DCC: variants seen among roughly 807,000 people sequenced by gnomAD.
The protein encoded by DCC is netrin receptor DCC.
A neutral mutation model predicts 172.5 loss-of-function variants in DCC; 58 were observed. That is an observed-to-expected ratio of 0.34 (90% CI 0.27 to 0.42). The LOEUF (loss-of-function observed/expected upper bound fraction) is 0.42. DCC is among the 10% of genes least tolerant of loss of function. The pLI is 1.00. For missense variants in DCC, 1,740 were observed against 1,791.0 expected (o/e 0.97, Z 0.51); for synonymous variants, 709 against 644.5 (o/e 1.10, Z -1.52).
At chr18:53,128,876 T>C (rs1047025114) in intron 7 of DCC, among the ~76,000 whole-genome samples, 4,148 of 40,432 alleles carry the variant, frequency 0.1, 99 homozygotes, top group African/African-American at 0.18. Context: ...CACACATATA[T>C]ATATATATAT....
intron 2 of DCC, among the ~76,000 whole-genome samples, chr18:52,807,685 C>T (rs1247915902): frequency 6.6e-6 from 1 of 152,124 alleles, no homozygotes; most frequent in Non-Finnish European, 1.5e-5. Flanking sequence ...CCATATTCTT[C>T]TCTTTTTGCC....
rs1030817066 is a variant in DCC at position 52,942,143 on chromosome 18, T to G, written c.985+16773T>G. ...GGATTTTGCCACTAATTATGTAGAC[T>G]GTTGGTTTGAGATAGGTATTTTTTA... On this transcript the variant is annotated intron_variant, in intron 5 of 28. Coordinates refer to ENST00000442544, the MANE Select transcript of DCC (RefSeq NM_005215.4). 2.0e-5 allele frequency among the ~76,000 whole-genome samples: 3 copies of G among 152,286 alleles called. No homozygotes were observed. The South Asian group carries it at 6.2e-4, about 32-fold the overall frequency.
At chr18:53,347,170 T>A (rs2057735478) in intron 15 of DCC, among the ~76,000 whole-genome samples, 1 of 152,130 alleles carries the variant, frequency 6.6e-6, no homozygotes, top group Non-Finnish European at 1.5e-5. Context: ...CACAAAGTGG[T>A]GAGGGTTTCT....
chr18:53,155,338 G>A (rs1035344395), intron 7 of DCC, among the ~76,000 whole-genome samples: 16 of 152,246 alleles, frequency 1.1e-4, no homozygotes, highest in African/African-American at 2.4e-4. Context: ...CACAAAAGCC[G>A]GTTTGAAGAT....
chr18:53,380,441 A>G (rs923528708), intron 15 of DCC, among the ~76,000 whole-genome samples: 1 of 152,176 alleles, frequency 6.6e-6, no homozygotes, highest in African/African-American at 2.4e-5. Context: ...TAACTAATAA[A>G]TGTACAATAT....
intron 2 of DCC, among the ~76,000 whole-genome samples, chr18:52,812,438 A>C (rs939651902): frequency 6.6e-6 from 1 of 152,206 alleles, no homozygotes; most frequent in Non-Finnish European, 1.5e-5. Context: ...TCACTTTATT[A>C]ATGTTTGTCT....
intron 2 of DCC, among the ~76,000 whole-genome samples, chr18:52,790,765 A>G (rs1240801672): frequency 2.0e-5 from 3 of 152,146 alleles, no homozygotes; most frequent in Non-Finnish European, 4.4e-5. Context: ...CATCTCCAAA[A>G]TTCTCTGCTG....
Position 52,425,035 on chromosome 18 carries a change from T to A in DCC, c.91+84157T>A, listed in dbSNP as rs115133079. 8.0e-3 allele frequency among the ~76,000 whole-genome samples: 1,218 copies of A among 152,242 alleles called. 9 individuals carry two copies. Among genetic ancestry groups the A allele is most frequent in the African/African-American group, 0.027 (1,138 of 41,550 alleles). ...GGCTTTAGGGTATACATTGCCTGAATAATGTACATTGTACCCATTAAGTAA... is the reference window on the plus strand; with the variant it reads ...GGCTTTAGGGTATACATTGCCTGAAAAATGTACATTGTACCCATTAAGTAA... On this transcript the variant is annotated intron_variant, in intron 1 of 28. Transcript: ENST00000442544.
chr18:52,763,169 C>T (rs1011077136), intron 2 of DCC, among the ~76,000 whole-genome samples: 3 of 152,102 alleles, frequency 2.0e-5, no homozygotes, highest in Non-Finnish European at 4.4e-5. Flanking sequence ...GCTTTATCAC[C>T]CTTGAAACAG....
At chr18:53,046,015 G>T (rs1332601455) in intron 5 of DCC, among the ~76,000 whole-genome samples, 2 of 151,664 alleles carry the variant, frequency 1.3e-5, no homozygotes, top group Admixed American at 1.3e-4. Flanking sequence ...CATGATTTTT[G>T]AAATCCTCAC....
intron 2 of DCC, among the ~76,000 whole-genome samples, chr18:52,832,269 A>C (rs1348731531): frequency 1.3e-5 from 2 of 152,100 alleles, no homozygotes; most frequent in Non-Finnish European, 2.9e-5. Context: ...ACAATGGCTT[A>C]GTGAGGCCTT....
chr18:52,569,168 T>C (rs575135357), intron 1 of DCC, among the ~76,000 whole-genome samples: 9 of 152,334 alleles, frequency 5.9e-5, no homozygotes, highest in African/African-American at 1.9e-4. Flanking sequence ...GCCATCAATC[T>C]GTACTGTGTG....
At chr18:52,539,345 G>C (rs1238113979) in intron 1 of DCC, among the ~76,000 whole-genome samples, 1 of 152,036 alleles carries the variant, frequency 6.6e-6, no homozygotes, top group Admixed American at 6.5e-5. Flanking sequence ...ATTTACAGGA[G>C]ATCTATTGTT....
At chr18:52,883,350 ATGTGTGTG>A (rs1172759213) in intron 2 of DCC, among the ~76,000 whole-genome samples, 4 of 34,106 alleles carry the variant, frequency 1.2e-4, no homozygotes, top group East Asian at 4.5e-4. Context: ...TTATTTATTT[ATGTGTGTG>A]TGTGTGTGTG....
At chr18:53,418,425 TC>T (rs777075333) in intron 21 of DCC, among the ~76,000 whole-genome samples, 1 of 152,206 alleles carries the variant, frequency 6.6e-6, no homozygotes, top group Non-Finnish European at 1.5e-5. Flanking sequence ...ATACTCCCAT[TC>T]CCAGAACACA....
chr18:53,228,738 G>A (rs1384440756), intron 12 of DCC, among the ~76,000 whole-genome samples: 1 of 152,058 alleles, frequency 6.6e-6, no homozygotes, highest in Non-Finnish European at 1.5e-5. Flanking sequence ...CTTGGAGAAA[G>A]GAAAAGTTGA....
At chr18:52,603,167 C>G (rs2034052970) in intron 1 of DCC, among the ~76,000 whole-genome samples, 1 of 152,016 alleles carries the variant, frequency 6.6e-6, no homozygotes, top group East Asian at 1.9e-4. Context: ...GGGATGGAGA[C>G]TGAAAAGCTG....
chr18:52,733,065 G>T (rs1346193293), intron 1 of DCC, among the ~76,000 whole-genome samples: 2 of 152,140 alleles, frequency 1.3e-5, no homozygotes. Context: ...GCTGATGTCA[G>T]CATTGGCTGG....
chr18:53,017,509 G>T (rs777160419), intron 5 of DCC, among the ~76,000 whole-genome samples: 47 of 152,052 alleles, frequency 3.1e-4, no homozygotes, highest in Non-Finnish European at 6.3e-4. Flanking sequence ...TTAGAAGTTT[G>T]TTAATTTCTT....
Sources: gnomAD v4.1 joint callset for allele counts (sites outside exome capture counted in the v4.1 genomes callset) on GRCh38, gnomAD v4.1.1 for gene constraint, MANE v1.5 for transcripts, NCBI Gene and HGNC (gene_info 2026-07-23, HGNC 2026-07-21) for gene names.